The following BCL11A variants were observed in gnomAD, a reference collection of about 807,000 sequenced individuals.
BCL11A encodes the protein B cell CLL/lymphoma 11A.
Under a neutral mutation model 55.9 loss-of-function variants are expected in BCL11A, and 2 were observed. That is an observed-to-expected ratio of 0.04 (90% CI 0.01 to 0.11). BCL11A has a LOEUF of 0.11. BCL11A is among the 10% of genes least tolerant of loss of function. The pLI is 1.00. For synonymous variants in BCL11A, 465 were observed against 473.4 expected (o/e 0.98, Z 0.23); for missense variants, 817 against 1,137.1 (o/e 0.72, Z 4.05).
At chr2:60,530,177 G>C (rs775059113) in intron 2 of BCL11A, among the ~76,000 whole-genome samples, 1 of 151,988 alleles carries the variant, frequency 6.6e-6, no homozygotes, top group Non-Finnish European at 1.5e-5. Flanking sequence ...TCGGTCCTGG[G>C]TCCTGCCCAG....
At chr2:60,467,927 GTAGTGA>G (rs1452413188) in intron 3 of BCL11A, among the ~76,000 whole-genome samples, 545 of 125,536 alleles carry the variant, frequency 4.3e-3, no homozygotes, top group East Asian at 7.6e-3. Context: ...GGTGGTGGTG[GTAGTGA>G]TGGTGGTGGT....
chr2:60,548,594 C>A (rs1670257020), intron 1 of BCL11A, among the ~76,000 whole-genome samples: 1 of 152,260 alleles, frequency 6.6e-6, no homozygotes, highest in East Asian at 1.9e-4. Flanking sequence ...TTGAAAATAA[C>A]AAGATGATCA....
chr2:60,454,554 T>C (rs1342469671), downstream of BCL11A, among the ~76,000 whole-genome samples: 1 of 152,096 alleles, frequency 6.6e-6, no homozygotes, highest in African/African-American at 2.4e-5. Flanking sequence ...AACACACAGT[T>C]ACAACACAGT....
chr2:60,497,431 C>G (rs1176596473), intron 2 of BCL11A, among the ~76,000 whole-genome samples: 1 of 152,158 alleles, frequency 6.6e-6, no homozygotes, highest in Non-Finnish European at 1.5e-5. Flanking sequence ...CTCAGGTTAG[C>G]AGGCCAAGGA....
Position 60,459,307 on chromosome 2 carries a change from T to C in BCL11A, c.*1097A>G. 3.9e-6 allele frequency: 4 copies of C among 1,016,490 alleles called. No homozygotes were observed. Among genetic ancestry groups the C allele is most frequent in the Non-Finnish European group, 4.7e-6 (4 of 847,326 alleles). The allele number at this position is 1,016,490 out of a possible 1,614,324, so 63.0% of individuals were successfully genotyped here. ...AAAGACATTATTAAAGCAAATATCT[T>C]CATAAAATGAACTCCTTACTAGTGT... On this transcript the variant is annotated 3_prime_UTR_variant, in exon 4 of 4. Coordinates refer to ENST00000642384, the MANE Select transcript of BCL11A (RefSeq NM_022893.4).
Position 60,460,025 on chromosome 2 carries a change from A to G in BCL11A, c.*379T>C, listed in dbSNP as rs548438060. Reference sequence around the variant, plus strand: ...ATTAGGGACAATTTAAAATAGCCATAACATACCATACATGCTGTCTAAGTT... The same window carrying G: ...ATTAGGGACAATTTAAAATAGCCATGACATACCATACATGCTGTCTAAGTT... On this transcript the variant is annotated 3_prime_UTR_variant, in exon 4 of 4. Transcript: ENST00000642384. The G allele has an allele frequency of 1.9e-6, 2 of 1,078,990 alleles. No homozygotes were observed. The highest frequency in any genetic ancestry group is 3.3e-5 in the African/African-American group (2 of 61,520). 66.8% of individuals were successfully genotyped at this position (1,078,990 alleles called of 1,614,324 possible).
intron 2 of BCL11A, among the ~76,000 whole-genome samples, chr2:60,469,701 A>AT (rs1203558446): frequency 6.6e-6 from 1 of 152,168 alleles, no homozygotes; most frequent in Non-Finnish European, 1.5e-5. Context: ...TAGCACTGAG[A>AT]TTTTTTTGAG....
chr2:60,490,017 G>A (rs908977189), intron 2 of BCL11A, among the ~76,000 whole-genome samples: 2 of 152,160 alleles, frequency 1.3e-5, no homozygotes, highest in Non-Finnish European at 2.9e-5. Flanking sequence ...GATTCTGAAC[G>A]TCATTCCTGC....
In BCL11A at chr2:60,553,286, G is replaced by A; in HGVS notation, c.-16C>T. 1.3e-6 allele frequency: 2 copies of A among 1,553,964 alleles called. No individual in the cohort carries two copies. The highest frequency in any genetic ancestry group is 1.7e-6 in the Non-Finnish European group (2 of 1,158,214). The stretch of plus-strand genomic sequence containing the variant: ...GGCGAGACATGGTGGGCTGCGGGGC[G>A]GGCGGCGGCGGCGGCGGCGGCGGCG... On this transcript the variant is annotated 5_prime_UTR_variant, in exon 1 of 4. Transcript: ENST00000642384.
Position 60,460,851 on chromosome 2 carries a change from C to A in BCL11A, c.2061G>T (p.Ser687=). ...GDSRQSPFAS[S]SEHSSENGSL... is the part of the protein sequence containing the mutation. The stretch of plus-strand genomic sequence containing the variant: ...TCCCGTTCTCCGAGGAGTGCTCCGA[C>A]GAGGAGGCAAAAGGCGATTGTCTGG... Residue 687 remains serine (S), a synonymous_variant, in exon 4 of 4, where the codon TCG becomes TCT. Coordinates refer to ENST00000642384, the MANE Select transcript of BCL11A (RefSeq NM_022893.4). The A allele has an allele frequency of 2.5e-6, 4 of 1,613,004 alleles. No homozygotes were observed. Among genetic ancestry groups the A allele is most frequent in the Non-Finnish European group, 3.4e-6 (4 of 1,180,004 alleles).
chr2:60,451,184 T>C (rs1322441880), exon 5 of BCL11A: 1 of 200,446 alleles, frequency 5.0e-6, no homozygotes, highest in Non-Finnish European at 1.0e-5. Flanking sequence ...TCATTATTTA[T>C]TATGAATAAG....
intron 2 of BCL11A, among the ~76,000 whole-genome samples, chr2:60,520,383 C>T (rs1668924584): frequency 6.6e-6 from 1 of 152,072 alleles, no homozygotes; most frequent in Non-Finnish European, 1.5e-5. Context: ...GAATTATTTG[C>T]ATAATGCATT....
At chr2:60,474,397 A>G (rs910644512) in intron 2 of BCL11A, among the ~76,000 whole-genome samples, 3 of 152,278 alleles carry the variant, frequency 2.0e-5, no homozygotes, top group Non-Finnish European at 4.4e-5. Flanking sequence ...ATTTCCCACT[A>G]AAAGGCAAAT....
In BCL11A at chr2:60,546,428, C is replaced by T. The variant is rs1670162980; in HGVS notation, c.56-128G>A. On this transcript the variant is annotated intron_variant, in intron 1 of 3. Coordinates refer to ENST00000642384, the MANE Select transcript of BCL11A (RefSeq NM_022893.4). The surrounding 1 kb of genome is among the most constrained non-coding windows in gnomAD (Gnocchi z 4.1). ...TGTTTCTAGGCTTCTCTATATAATA[C>T]CCAGAAAATGTGAGCATACAAAAAG... is the stretch of plus-strand genomic sequence containing the variant. The T allele has an allele frequency of 1.3e-6, 1 of 792,822 alleles. No individual in the cohort carries two copies. The highest frequency in any genetic ancestry group is 2.0e-6 in the Non-Finnish European group (1 of 502,836). The allele number at this position is 792,822 out of a possible 1,614,324, so 49.1% of individuals were successfully genotyped here.
chr2:60,502,495 G>A (rs1679348219), intron 2 of BCL11A, among the ~76,000 whole-genome samples: 1 of 152,204 alleles, frequency 6.6e-6, no homozygotes, highest in African/African-American at 2.4e-5. Flanking sequence ...CACACACTTT[G>A]TACATACAAT....
At chr2:60,538,508 G>A (rs934956623) in intron 2 of BCL11A, 2 of 152,016 alleles carry the variant, frequency 1.3e-5, no homozygotes, top group African/African-American at 4.8e-5. Context: ...TTCTTTATAC[G>A]TTTTGTGGAT....
intron 3 of BCL11A, among the ~76,000 whole-genome samples, chr2:60,464,785 C>T (rs1161807233): frequency 6.6e-6 from 1 of 152,132 alleles, no homozygotes; most frequent in Non-Finnish European, 1.5e-5. Flanking sequence ...CCCTGAGCAT[C>T]CTAAACTTTT....
At position 60,461,604 on chromosome 2, in the gene BCL11A, G is replaced by C. The variant is rs142120696; in HGVS notation, c.1308C>G (p.Val436=). 1.2e-6 allele frequency: 2 copies of C among 1,613,502 alleles called. No homozygotes were observed. Among genetic ancestry groups the C allele is most frequent in the East Asian group, 2.2e-5 (1 of 44,868 alleles). ...CGGTGGAGAGACCGTCGTCGGACTT[G>C]ACCGTCATGGGGGACGATTTGTGCA... ...THMHKSSPMT[V]KSDDGLSTAS... Residue 436 remains valine, a synonymous_variant, in exon 4 of 4, where the codon GTC becomes GTG. Coordinates refer to ENST00000642384, the MANE Select transcript of BCL11A (RefSeq NM_022893.4).
chr2:60,468,596 A>G (rs1677022744), intron 3 of BCL11A, 136 bp downstream of exon 3: 1 of 606,096 alleles, frequency 1.6e-6, no homozygotes, highest in Non-Finnish European at 2.8e-6. Flanking sequence ...GCGGCTGCCA[A>G]GTGAGTAATG....
Sources: allele counts gnomAD v4.1 joint callset (sites outside exome capture counted in the v4.1 genomes callset), GRCh38; gene constraint gnomAD v4.1.1; non-coding constraint Gnocchi (gnomAD v3.1); transcripts MANE v1.5; gene names NCBI Gene and HGNC (gene_info 2026-07-23, HGNC 2026-07-21).